The following SLC24A2 variants were observed in gnomAD, a reference collection of about 807,000 sequenced individuals.
SLC24A2 encodes the protein solute carrier family 24 member 2.
Under a neutral mutation model 62.0 loss-of-function variants are expected in SLC24A2, and 36 were observed. The observed-to-expected ratio is 0.58, with a 90% CI of 0.44 to 0.77. The LOEUF is 0.77. SLC24A2 is among the 30% of genes least tolerant of loss of function. The pLI, the probability that SLC24A2 is intolerant of heterozygous loss-of-function variation, is 0.00. For missense variants in SLC24A2, 846 were observed against 817.9 expected, an observed-to-expected ratio of 1.03 and a Z score of -0.42; for synonymous variants, 358 against 294.0, an observed-to-expected ratio of 1.22 and a Z score of -2.23.
At chr9:19,793,734 A>G (rs1031027610), upstream of SLC24A2, among the ~76,000 whole-genome samples, 2 of 152,186 alleles carry the variant, frequency 1.3e-5, no homozygotes, top group African/African-American at 2.4e-5. Flanking sequence ...CCCGAGTTCT[A>G]CTATTCCTCA....
At chr9:20,123,710 A>G in the SLC24A2 span, among the ~76,000 whole-genome samples, 8 of 152,232 alleles carry the variant, frequency 5.3e-5, no homozygotes, top group African/African-American at 1.9e-4. Flanking sequence ...TAACAGTGGT[A>G]ATTATCATTA....
At chr9:20,215,351 C>T in the SLC24A2 span, among the ~76,000 whole-genome samples, 1 of 151,952 alleles carries the variant, frequency 6.6e-6, no homozygotes, top group African/African-American at 2.4e-5. Context: ...ACATTCAGAC[C>T]ATAGCACTAA....
At chr9:19,664,643 A>G (rs1393738259) in intron 2 of SLC24A2, among the ~76,000 whole-genome samples, 2 of 152,220 alleles carry the variant, frequency 1.3e-5, no homozygotes, top group African/African-American at 4.8e-5. Flanking sequence ...TGAAGTTGAG[A>G]TGAGGTCATA....
At chr9:20,283,752 G>GC in the SLC24A2 span, among the ~76,000 whole-genome samples, 1 of 60,844 alleles carries the variant, frequency 1.6e-5, no homozygotes, top group African/African-American at 7.9e-5. Context: ...GAAAAAAAAA[G>GC]GGGGGGGGGG....
the SLC24A2 span, among the ~76,000 whole-genome samples, chr9:19,800,924 T>C: frequency 6.6e-6 from 1 of 152,184 alleles, no homozygotes; most frequent in East Asian, 1.9e-4. Context: ...TGTTCTCCCA[T>C]AGATCACTCC....
the SLC24A2 span, among the ~76,000 whole-genome samples, chr9:20,051,114 T>C: frequency 6.6e-6 from 1 of 151,954 alleles, no homozygotes; most frequent in Non-Finnish European, 1.5e-5. Context: ...AAACACAAGA[T>C]TCAACAATAT....
the SLC24A2 span, among the ~76,000 whole-genome samples, chr9:19,867,396 G>T: frequency 6.6e-6 from 1 of 152,090 alleles, no homozygotes; most frequent in Non-Finnish European, 1.5e-5. Context: ...ATTGCTTTTT[G>T]AATCGATTTC....
chr9:20,204,041 A>G, the SLC24A2 span, among the ~76,000 whole-genome samples: 2 of 152,244 alleles, frequency 1.3e-5, no homozygotes, highest in Non-Finnish European at 2.9e-5. Context: ...TCAACAAAAT[A>G]TATTAAAAAC....
At chr9:19,521,746 G>A (rs1009676141) in intron 9 of SLC24A2, among the ~76,000 whole-genome samples, 1 of 152,076 alleles carries the variant, frequency 6.6e-6, no homozygotes, top group Non-Finnish European at 1.5e-5. Flanking sequence ...ATAAACTGGG[G>A]ATAATAATAC....
At chr9:20,269,302 G>C in the SLC24A2 span, among the ~76,000 whole-genome samples, 1 of 152,120 alleles carries the variant, frequency 6.6e-6, no homozygotes, top group Admixed American at 6.5e-5. Context: ...GTAAGAAAAG[G>C]AGACGCATCC....
chr9:19,724,783 C>A (rs1484999948), intron 2 of SLC24A2, among the ~76,000 whole-genome samples: 1 of 152,092 alleles, frequency 6.6e-6, no homozygotes, highest in African/African-American at 2.4e-5. Flanking sequence ...GGTTTATGCA[C>A]AAATTTTGAC....
At chr9:19,678,784 T>A (rs557653428) in intron 2 of SLC24A2, among the ~76,000 whole-genome samples, 8 of 152,232 alleles carry the variant, frequency 5.3e-5, no homozygotes, top group Admixed American at 3.3e-4. Context: ...AGACTGCCTA[T>A]CTGAGAGACA....
chr9:19,600,242 A>T (rs984164876), intron 4 of SLC24A2, among the ~76,000 whole-genome samples: 5 of 152,196 alleles, frequency 3.3e-5, no homozygotes, highest in African/African-American at 1.2e-4. Flanking sequence ...CATTATGAGA[A>T]TCACACTTGC....
At chr9:20,127,282 G>A in the SLC24A2 span, among the ~76,000 whole-genome samples, 2 of 152,004 alleles carry the variant, frequency 1.3e-5, no homozygotes, top group South Asian at 2.1e-4. Context: ...AAGAGGGAGG[G>A]GGCTTCATCT....
chr9:20,273,786 T>C, the SLC24A2 span, among the ~76,000 whole-genome samples: 1 of 152,182 alleles, frequency 6.6e-6, no homozygotes, highest in Non-Finnish European at 1.5e-5. Flanking sequence ...ATATTAAACC[T>C]TACCCCCATC....
At chr9:19,870,984 T>C in the SLC24A2 span, among the ~76,000 whole-genome samples, 93,852 of 151,848 alleles carry the variant, frequency 0.62, 29,586 homozygotes, top group Non-Finnish European at 0.65. Flanking sequence ...TGATAATGTT[T>C]TTTGATGTAC....
chr9:19,930,182 C>G, the SLC24A2 span, among the ~76,000 whole-genome samples: 1,660 of 152,290 alleles, frequency 0.011, 25 homozygotes, highest in African/African-American at 0.038. Context: ...TTCACATTTA[C>G]TTATCACTCA....
chr9:19,733,044 A>G (rs969641789), intron 2 of SLC24A2, among the ~76,000 whole-genome samples: 1 of 151,836 alleles, frequency 6.6e-6, no homozygotes, highest in Admixed American at 6.6e-5. Context: ...ATGAAGTCAC[A>G]TAAGGATGAC....
chr9:19,991,872 C>T, the SLC24A2 span, among the ~76,000 whole-genome samples: 1 of 152,124 alleles, frequency 6.6e-6, no homozygotes, highest in Non-Finnish European at 1.5e-5. Flanking sequence ...TAAACTGAGT[C>T]TTGACAGTGG....
Sources: gnomAD v4.1 joint callset for allele counts (sites outside exome capture counted in the v4.1 genomes callset) on GRCh38, gnomAD v4.1.1 for gene constraint, MANE v1.5 for transcripts, NCBI Gene and HGNC (gene_info 2026-07-23, HGNC 2026-07-21) for gene names.